The following PLXDC2 variants were observed in gnomAD, a reference collection of about 807,000 sequenced individuals.
The protein encoded by PLXDC2 is plexin domain-containing protein 2.
Under a neutral mutation model 68.9 loss-of-function variants are expected in PLXDC2, and 40 were observed. The observed-to-expected ratio is 0.58, with a 90% CI of 0.45 to 0.76. The LOEUF (loss-of-function observed/expected upper bound fraction) is 0.76, where lower values mean the gene tolerates loss of function less well. Ranked by LOEUF, PLXDC2 falls within the 30% of genes least tolerant of loss-of-function variation. The probability of loss-of-function intolerance (pLI) is 0.00; values close to 1 mark genes in which losing one functional copy is unlikely to be tolerated. For synonymous variants in PLXDC2, 243 were observed against 234.2 expected, an observed-to-expected ratio of 1.04 and a Z score of -0.34; for missense variants, 644 against 661.9, an observed-to-expected ratio of 0.97 and a Z score of 0.30.
At chr10:20,040,102 C>T (rs1048233562) in intron 2 of PLXDC2, among the ~76,000 whole-genome samples, 1 of 152,232 alleles carries the variant, frequency 6.6e-6, no homozygotes, top group African/African-American at 2.4e-5. Context: ...TAACCTTTAA[C>T]CAGAATTCTT....
intron 1 of PLXDC2, among the ~76,000 whole-genome samples, chr10:19,894,594 G>A (rs1838023679): frequency 6.6e-6 from 1 of 151,914 alleles, no homozygotes; most frequent in Admixed American, 6.6e-5. Flanking sequence ...AATTTAACTG[G>A]CATAAGTATT....
intron 6 of PLXDC2, among the ~76,000 whole-genome samples, chr10:20,152,764 T>G (rs1009195969): frequency 3.3e-5 from 5 of 152,156 alleles, no homozygotes; most frequent in Admixed American, 1.3e-4. Flanking sequence ...CCTGTTTTCT[T>G]TTTATTTCCT....
chr10:20,127,855 C>T (rs1440224795), intron 4 of PLXDC2, among the ~76,000 whole-genome samples: 1 of 152,076 alleles, frequency 6.6e-6, no homozygotes, highest in African/African-American at 2.4e-5. Context: ...AGGAAAAAGA[C>T]TGTTATTTTC....
At chr10:20,216,013 C>T (rs983883014) in intron 10 of PLXDC2, among the ~76,000 whole-genome samples, 3 of 151,264 alleles carry the variant, frequency 2.0e-5, no homozygotes, top group Non-Finnish European at 2.9e-5. Context: ...GCCCCCATGG[C>T]GGGTCTGTGT....
At chr10:20,089,169 CGTGTGTGTGTGTGTGTGT>C (rs34167804) in intron 4 of PLXDC2, among the ~76,000 whole-genome samples, 28,106 of 142,630 alleles carry the variant, frequency 0.2, 3,678 homozygotes, top group East Asian at 0.59. Context: ...CCTGTATATA[CGTGTGTGTGTGTGTGTGT>C]GTGTGTGTGT....
At chr10:19,956,927 A>G (rs1834079369) in intron 1 of PLXDC2, among the ~76,000 whole-genome samples, 1 of 152,224 alleles carries the variant, frequency 6.6e-6, no homozygotes, top group South Asian at 2.1e-4. Flanking sequence ...CAACTTAGCA[A>G]TTAAGAAGTG....
chr10:19,913,881 A>G (rs1427798741), intron 1 of PLXDC2, among the ~76,000 whole-genome samples: 1 of 152,128 alleles, frequency 6.6e-6, no homozygotes, highest in African/African-American at 2.4e-5. Context: ...ACAGCTTTTT[A>G]TTTTAGTTCT....
At chr10:20,107,674 T>C (rs1304793403) in intron 4 of PLXDC2, among the ~76,000 whole-genome samples, 1 of 152,182 alleles carries the variant, frequency 6.6e-6, no homozygotes, top group Non-Finnish European at 1.5e-5. Context: ...TCACCAGTCT[T>C]CCTGACATAC....
intron 4 of PLXDC2, among the ~76,000 whole-genome samples, chr10:20,102,846 C>T (rs1018937675): frequency 6.6e-6 from 1 of 152,060 alleles, no homozygotes; most frequent in Non-Finnish European, 1.5e-5. Context: ...GTTTTTAAAG[C>T]CACGGGATAG....
chr10:20,072,493 GAGAAAGAAAGAAAGAAAGAA>G (rs55848042), intron 4 of PLXDC2, among the ~76,000 whole-genome samples: 2 of 80,704 alleles, frequency 2.5e-5, no homozygotes, highest in African/African-American at 5.0e-5. Flanking sequence ...AAGAAAGAAA[GAGAAAGAAAGAAAGAAAGAA>G]AGAAAGAAAG....
intron 1 of PLXDC2, among the ~76,000 whole-genome samples, chr10:19,906,431 G>A (rs1833159330): frequency 6.6e-6 from 1 of 152,224 alleles, no homozygotes; most frequent in South Asian, 2.1e-4. Flanking sequence ...GAAATAAACA[G>A]GTGAGGCAGG....
intron 1 of PLXDC2, among the ~76,000 whole-genome samples, chr10:19,904,278 G>A (rs1315953309): frequency 6.6e-6 from 1 of 152,082 alleles, no homozygotes; most frequent in Non-Finnish European, 1.5e-5. Context: ...GCAGTCAGTG[G>A]AGCATTACGT....
intron 2 of PLXDC2, among the ~76,000 whole-genome samples, chr10:20,013,925 A>G (rs1481381953): frequency 6.6e-6 from 1 of 152,212 alleles, no homozygotes; most frequent in Non-Finnish European, 1.5e-5. Context: ...ATGTAGTTAA[A>G]TAAGGCTTTG....
intron 4 of PLXDC2, among the ~76,000 whole-genome samples, chr10:20,140,468 A>G (rs1363477590): frequency 7.1e-6 from 1 of 140,128 alleles, no homozygotes; most frequent in Non-Finnish European, 1.6e-5. Flanking sequence ...GGGAATGCCC[A>G]GAACAGCCAA....
intron 1 of PLXDC2, among the ~76,000 whole-genome samples, chr10:19,964,571 A>C (rs1431453134): frequency 1.3e-5 from 2 of 152,226 alleles, no homozygotes; most frequent in African/African-American, 4.8e-5. Context: ...ATATTCATGT[A>C]GTAATGCCTC....
chr10:20,032,421 T>G (rs1835514060), intron 2 of PLXDC2, among the ~76,000 whole-genome samples: 1 of 152,206 alleles, frequency 6.6e-6, no homozygotes, highest in Admixed American at 6.5e-5. Context: ...ATGAGAAGCC[T>G]CATTTGAACA....
At chr10:19,855,083 A>G (rs891122552) in intron 1 of PLXDC2, among the ~76,000 whole-genome samples, 5 of 152,234 alleles carry the variant, frequency 3.3e-5, no homozygotes, top group Non-Finnish European at 7.3e-5. Flanking sequence ...TGTTTTATTT[A>G]TAAATATATC....
intron 13 of PLXDC2, among the ~76,000 whole-genome samples, chr10:20,271,132 G>GACACACACACACAC (rs55677642): frequency 7.2e-5 from 7 of 97,854 alleles, no homozygotes; most frequent in African/African-American, 2.0e-4. Context: ...ACAAAAAACA[G>GACACACACACACAC]ACACACACAC....
chr10:20,142,087 G>C (rs191174212), intron 4 of PLXDC2, among the ~76,000 whole-genome samples: 1 of 152,146 alleles, frequency 6.6e-6, no homozygotes, highest in African/African-American at 2.4e-5. Flanking sequence ...GTTTAATTCT[G>C]CAATAACTTA....
Sources: gnomAD v4.1 joint callset for allele counts (sites outside exome capture counted in the v4.1 genomes callset) on GRCh38, gnomAD v4.1.1 for gene constraint, MANE v1.5 for transcripts, NCBI Gene and HGNC (gene_info 2026-07-23, HGNC 2026-07-21) for gene names.